The following ZCCHC7 variants were observed in gnomAD, a reference collection of about 807,000 sequenced individuals.
ZCCHC7 encodes the protein zinc finger CCHC-type containing 7.
Under a neutral mutation model 52.0 loss-of-function variants are expected in ZCCHC7, and 35 were observed. The observed-to-expected ratio is 0.67, with a 90% CI of 0.51 to 0.89. The LOEUF (loss-of-function observed/expected upper bound fraction) is 0.89, where lower values mean the gene tolerates loss of function less well. Ranked by LOEUF, ZCCHC7 falls within the 40% of genes least tolerant of loss-of-function variation. The pLI is 0.00. For missense variants in ZCCHC7, 574 were observed against 649.1 expected (o/e 0.88, Z 1.26); for synonymous variants, 217 against 221.5 (o/e 0.98, Z 0.18).
rs144713750 is a variant in ZCCHC7 at position 37,226,024 on chromosome 9, G to C, written c.611-76164G>C. ...TATTAAATCATCTTTAGTTGCAGTT[G>C]ACATAAAAATCTAGTTAGAAAATTG... On this transcript the variant is annotated intron_variant, in intron 2 of 8. Coordinates refer to ENST00000336755, the MANE Select transcript of ZCCHC7 (RefSeq NM_032226.3). Among the ~76,000 whole-genome samples, 13 of 152,286 alleles carry C rather than the reference G, an allele frequency of 8.5e-5. No homozygotes were observed. The East Asian group carries it at 2.3e-3, about 27-fold the overall frequency.
chr9:37,251,401 A>G (rs1288066142), intron 2 of ZCCHC7, among the ~76,000 whole-genome samples: 1 of 152,134 alleles, frequency 6.6e-6, no homozygotes, highest in Non-Finnish European at 1.5e-5. Flanking sequence ...CTATTTGTTG[A>G]ATTGTGTACC....
chr9:37,184,392 CAAA>C (rs34335465), intron 2 of ZCCHC7, among the ~76,000 whole-genome samples: 4,500 of 121,274 alleles, frequency 0.037, 152 homozygotes, highest in East Asian at 0.094. Context: ...TGGCTTGCAT[CAAA>C]AAAAAAAAAA....
At chr9:37,167,511 A>G (rs1204704175) in intron 2 of ZCCHC7, among the ~76,000 whole-genome samples, 2 of 152,124 alleles carry the variant, frequency 1.3e-5, no homozygotes, top group Admixed American at 6.5e-5. Context: ...TAATTTTAAC[A>G]TCTTTTTCAA....
At chr9:37,267,446 C>T (rs1185924250) in intron 2 of ZCCHC7, among the ~76,000 whole-genome samples, 1 of 152,096 alleles carries the variant, frequency 6.6e-6, no homozygotes, top group Non-Finnish European at 1.5e-5. Context: ...GTCTCTTAGC[C>T]TGGAATGAAG....
chr9:37,160,069 C>T (rs1192437324), intron 2 of ZCCHC7: 1 of 152,158 alleles, frequency 6.6e-6, no homozygotes, highest in Non-Finnish European at 1.5e-5. Context: ...CTTAAGGCTG[C>T]CAGACACCCT....
At chr9:37,279,060 C>T (rs2061644693) in intron 2 of ZCCHC7, among the ~76,000 whole-genome samples, 1 of 152,022 alleles carries the variant, frequency 6.6e-6, no homozygotes, top group African/African-American at 2.4e-5. Context: ...TGCCAGCTAC[C>T]CTCCACTAGT....
At chr9:37,159,387 A>T (rs895417657) in intron 2 of ZCCHC7, among the ~76,000 whole-genome samples, 5 of 152,234 alleles carry the variant, frequency 3.3e-5, no homozygotes. Flanking sequence ...ATGATTTACT[A>T]ATCTATTATG....
rs912200552 is a variant in ZCCHC7 at position 37,133,586 on chromosome 9, T to A, written c.610+6644T>A. Among the ~76,000 whole-genome samples, 41 of 152,068 alleles carry A rather than the reference T, an allele frequency of 2.7e-4. No homozygotes were observed. In the South Asian group the frequency reaches 3.1e-3, roughly 12 times the overall value. ...TTATTTTTTTAAAATTTAAAAATTT[T>A]AAAATTTTTATTTATTTTCTGAGAC... On this transcript the variant is annotated intron_variant, in intron 2 of 8. Transcript: ENST00000336755.
chr9:37,131,657 GAAA>G (rs991461007), intron 2 of ZCCHC7, among the ~76,000 whole-genome samples: 1 of 151,506 alleles, frequency 6.6e-6, no homozygotes, highest in Non-Finnish European at 1.5e-5. Flanking sequence ...AAAAGAAAAA[GAAA>G]AAAAAGAAAA....
At chr9:37,153,689 T>C (rs1386967045) in intron 2 of ZCCHC7, among the ~76,000 whole-genome samples, 3 of 152,078 alleles carry the variant, frequency 2.0e-5, no homozygotes, top group Non-Finnish European at 4.4e-5. Context: ...TTCTTTTCTT[T>C]TTTAAAGCAC....
At chr9:37,259,818 G>A (rs1376038401) in intron 2 of ZCCHC7, among the ~76,000 whole-genome samples, 1 of 152,100 alleles carries the variant, frequency 6.6e-6, no homozygotes, top group Non-Finnish European at 1.5e-5. Context: ...ATGTCTGTTT[G>A]TGCATCCTAC....
chr9:37,247,119 T>C (rs1826114727), intron 2 of ZCCHC7, among the ~76,000 whole-genome samples: 2 of 152,194 alleles, frequency 1.3e-5, no homozygotes, highest in Admixed American at 1.3e-4. Context: ...CACCATTTTA[T>C]TCTCTACTTC....
intron 2 of ZCCHC7, among the ~76,000 whole-genome samples, chr9:37,208,766 C>T (rs1301175934): frequency 1.3e-5 from 2 of 152,116 alleles, no homozygotes; most frequent in African/African-American, 4.8e-5. Flanking sequence ...GGAGTGGTGT[C>T]TAGATTTTTG....
At chr9:37,287,740 C>G (rs921909368) in intron 2 of ZCCHC7, among the ~76,000 whole-genome samples, 5 of 151,956 alleles carry the variant, frequency 3.3e-5, no homozygotes, top group East Asian at 1.9e-4. Flanking sequence ...CTATTATATA[C>G]TTATTATAGG....
chr9:37,345,039 C>T (rs1422346187), intron 6 of ZCCHC7, among the ~76,000 whole-genome samples: 2 of 152,180 alleles, frequency 1.3e-5, no homozygotes, highest in South Asian at 2.1e-4. Context: ...CAGCAGCTTT[C>T]TACTTATAAT....
chr9:37,323,558 A>G (rs1031046640), intron 5 of ZCCHC7, among the ~76,000 whole-genome samples: 1 of 152,206 alleles, frequency 6.6e-6, no homozygotes, highest in Non-Finnish European at 1.5e-5. Flanking sequence ...TTTTATACAC[A>G]TTGCCACTTA....
intron 2 of ZCCHC7, among the ~76,000 whole-genome samples, chr9:37,216,319 T>C (rs1310650628): frequency 6.6e-6 from 1 of 152,228 alleles, no homozygotes; most frequent in East Asian, 1.9e-4. Context: ...TATTATATTA[T>C]TGTGAGACAT....
intron 2 of ZCCHC7, among the ~76,000 whole-genome samples, chr9:37,278,187 G>A (rs1411993774): frequency 1.3e-5 from 2 of 152,072 alleles, no homozygotes; most frequent in Non-Finnish European, 2.9e-5. Context: ...AGCCTGCCAA[G>A]TAGCTCGGAC....
At chr9:37,129,761 T>C (rs1235973489) in intron 2 of ZCCHC7, among the ~76,000 whole-genome samples, 1 of 152,210 alleles carries the variant, frequency 6.6e-6, no homozygotes, top group Non-Finnish European at 1.5e-5. Context: ...GACTACAGGC[T>C]CCTTGAGGTT....
Sources: gnomAD v4.1 joint callset for allele counts (sites outside exome capture counted in the v4.1 genomes callset) on GRCh38, gnomAD v4.1.1 for gene constraint, MANE v1.5 for transcripts, NCBI Gene and HGNC (gene_info 2026-07-23, HGNC 2026-07-21) for gene names.